PHLPP1: variants seen among roughly 807,000 people sequenced by gnomAD.
PHLPP1 encodes the protein PH domain and leucine rich repeat protein phosphatase 1.
In PHLPP1, 42 loss-of-function variants were observed where a neutral mutation model predicts 117.2. The ratio of observed to expected loss-of-function variants is 0.36; its 90% confidence interval spans 0.28 to 0.46. The LOEUF (loss-of-function observed/expected upper bound fraction) is 0.46, where lower values mean the gene tolerates loss of function less well. Among genes scored for constraint, PHLPP1 ranks in the 20% least tolerant of loss-of-function variants. The pLI is 1.00. For missense variants in PHLPP1, 2,084 were observed against 2,241.9 expected (o/e 0.93, Z 1.42); for synonymous variants, 1,042 against 970.7 (o/e 1.07, Z -1.37).
At chr18:62,765,065 A>G (rs559427945) in intron 1 of PHLPP1, among the ~76,000 whole-genome samples, 1 of 152,138 alleles carries the variant, frequency 6.6e-6, no homozygotes, top group East Asian at 1.9e-4. Flanking sequence ...TGTCTTGTGC[A>G]TTTTCCTTTT....
chr18:62,777,870 C>T lies in PHLPP1; in HGVS notation c.1577-52165C>T, dbSNP rs576378841. On this transcript the variant is annotated intron_variant, in intron 1 of 16. Transcript: ENST00000262719. ...TTGGTGTCCTGCATATCATGTCTGC[C>T]TTCTCCAATCTATTTCCATAATGCC... Among the ~76,000 whole-genome samples, 47 of 152,294 alleles carry T rather than the reference C, an allele frequency of 3.1e-4. No individual in the cohort carries two copies. In the South Asian group the frequency reaches 7.9e-3, roughly 26 times the overall value.
intron 3 of PHLPP1, among the ~76,000 whole-genome samples, chr18:62,844,926 T>C (rs2144346692): frequency 6.6e-6 from 1 of 152,370 alleles, no homozygotes; most frequent in African/African-American, 2.4e-5. Context: ...GGCACATTTC[T>C]AAGTTCAGCA....
chr18:62,734,921 T>G (rs1046321589), intron 1 of PHLPP1, among the ~76,000 whole-genome samples: 4 of 152,200 alleles, frequency 2.6e-5, no homozygotes, highest in Admixed American at 6.5e-5. Flanking sequence ...AAGCAGAAGC[T>G]CAATGATCCC....
intron 12 of PHLPP1, among the ~76,000 whole-genome samples, chr18:62,951,185 GT>G (rs1910446615): frequency 6.6e-6 from 1 of 152,022 alleles, no homozygotes; most frequent in South Asian, 2.1e-4. Flanking sequence ...GTTTCACTGT[GT>G]TAGCCAGGAT....
intron 1 of PHLPP1, among the ~76,000 whole-genome samples, chr18:62,783,274 C>CTGGA (rs1174970549): frequency 1.5e-5 from 2 of 136,822 alleles, no homozygotes; most frequent in African/African-American, 5.5e-5. Flanking sequence ...GTTGCCCAGG[C>CTGGA]TGGAGCACAG....
chr18:62,796,847 AGTT>A (rs1913642806), intron 1 of PHLPP1, among the ~76,000 whole-genome samples: 1 of 152,220 alleles, frequency 6.6e-6, no homozygotes, highest in African/African-American at 2.4e-5. Flanking sequence ...ATGAATTTAC[AGTT>A]GTTTCAGAAA....
At chr18:62,963,999 T>C (rs1314327888) in intron 14 of PHLPP1, among the ~76,000 whole-genome samples, 1 of 152,064 alleles carries the variant, frequency 6.6e-6, no homozygotes, top group African/African-American at 2.4e-5. Context: ...CTTAATATCT[T>C]TTTCTTCTCC....
In PHLPP1 at chr18:62,918,829, G is replaced by T. The variant is rs543260566; in HGVS notation, c.2805-1130G>T. On this transcript the variant is annotated intron_variant, in intron 9 of 16. Coordinates refer to ENST00000262719, the MANE Select transcript of PHLPP1 (RefSeq NM_194449.4). ...CTTGTATTCTTGAAAATAGCTAAGGGAGTAGATATAAATGTTCTCATCACA... is the reference window on the plus strand; with the variant it reads ...CTTGTATTCTTGAAAATAGCTAAGGTAGTAGATATAAATGTTCTCATCACA... Among the ~76,000 whole-genome samples, 3 of 151,570 alleles carry T rather than the reference G, an allele frequency of 2.0e-5. No individual in the cohort carries two copies. The South Asian group carries it at 6.2e-4, about 32-fold the overall frequency.
intron 1 of PHLPP1, among the ~76,000 whole-genome samples, chr18:62,809,367 A>G (rs957777728): frequency 2.0e-5 from 3 of 152,186 alleles, no homozygotes; most frequent in African/African-American, 4.8e-5. Flanking sequence ...CATCCCATCC[A>G]AAGTTGAGTA....
intron 1 of PHLPP1, among the ~76,000 whole-genome samples, chr18:62,782,226 T>A (rs918746840): frequency 1.3e-5 from 2 of 152,248 alleles, no homozygotes; most frequent in African/African-American, 4.8e-5. Context: ...GAGGCATGAG[T>A]CTGCCTGTGC....
At chr18:62,815,794 A>G (rs1430883463) in intron 1 of PHLPP1, among the ~76,000 whole-genome samples, 3 of 152,232 alleles carry the variant, frequency 2.0e-5, no homozygotes, top group East Asian at 1.9e-4. Context: ...AGAATTTAAA[A>G]TAATTTGTGG....
rs781452749 is a variant in PHLPP1, at chr18:62,979,023, C to T, written c.4746C>T (p.His1582=). The change falls in exon 17 of 17, where the codon CAC becomes CAT. Residue 1582 remains histidine, a synonymous_variant. Transcript: ENST00000262719. ...SRAKEKEKQQ[H]LLQVPAEASD... ...CCAAGGAGAAGGAGAAACAGCAGCACCTGCTTCAGGTGCCAGCAGAGGCCA... is the reference window on the plus strand; with the variant it reads ...CCAAGGAGAAGGAGAAACAGCAGCATCTGCTTCAGGTGCCAGCAGAGGCCA... 7 of 1,613,392 alleles carry T rather than the reference C, an allele frequency of 4.3e-6. No homozygotes were observed. The highest frequency in any genetic ancestry group is 2.7e-5 in the African/African-American group (2 of 74,726).
chr18:62,763,374 A>G (rs928545396), intron 1 of PHLPP1, among the ~76,000 whole-genome samples: 3 of 152,200 alleles, frequency 2.0e-5, no homozygotes, highest in Non-Finnish European at 4.4e-5. Context: ...AAGCAGGGGA[A>G]GATCACCCAG....
Position 62,736,422 on chromosome 18 carries a change from T to C in PHLPP1, c.1576+19163T>C, listed in dbSNP as rs74553158. 7.7e-3 allele frequency among the ~76,000 whole-genome samples: 1,175 copies of C among 152,078 alleles called. 18 individuals carry two copies. Among genetic ancestry groups the C allele is most frequent in the African/African-American group, 0.027 (1,126 of 41,474 alleles). On this transcript the variant is annotated intron_variant, in intron 1 of 16. Transcript: ENST00000262719. The stretch of plus-strand genomic sequence containing the variant: ...GGGCAGTGGGAGGGAGTAAAGGAGA[T>C]TGATGTGGATATTATCCTGGGACTC...
intron 1 of PHLPP1, among the ~76,000 whole-genome samples, chr18:62,718,875 G>A (rs1402941760): frequency 6.6e-6 from 1 of 152,152 alleles, no homozygotes; most frequent in Non-Finnish European, 1.5e-5. Context: ...AAGTGTCCAC[G>A]GAAAGGTTTT....
intron 1 of PHLPP1, among the ~76,000 whole-genome samples, chr18:62,775,431 A>G (rs927076869): frequency 6.6e-6 from 1 of 152,138 alleles, no homozygotes; most frequent in South Asian, 2.1e-4. Flanking sequence ...TTTACTTGCT[A>G]TCTTGTTCTC....
At chr18:62,873,550 T>C (rs531961992) in intron 4 of PHLPP1, among the ~76,000 whole-genome samples, 5 of 152,364 alleles carry the variant, frequency 3.3e-5, no homozygotes, top group Admixed American at 2.0e-4. Flanking sequence ...GATGGATCTT[T>C]CTGGCTTTTG....
intron 1 of PHLPP1, among the ~76,000 whole-genome samples, chr18:62,827,133 G>A (rs1914632200): frequency 6.6e-6 from 1 of 152,190 alleles, no homozygotes; most frequent in Non-Finnish European, 1.5e-5. Context: ...CCTACTATGT[G>A]CCAAGTGCGT....
rs550640999 is a variant in PHLPP1, at chr18:62,754,178, C to T, written c.1576+36919C>T. Among the ~76,000 whole-genome samples the T allele has an allele frequency of 1.7e-3, 261 of 152,342 alleles. 1 individual carries two copies. The highest frequency in any genetic ancestry group is 6.8e-3 in the Middle Eastern group (2 of 294). Reference sequence around the variant, plus strand: ...CTCAGTTGTGCCTGAATTACTTGCTCAGCTGTTCTGTTCTGCTGTGGAATT... The same window carrying T: ...CTCAGTTGTGCCTGAATTACTTGCTTAGCTGTTCTGTTCTGCTGTGGAATT... On this transcript the variant is annotated intron_variant, in intron 1 of 16. Transcript: ENST00000262719.
Sources: gnomAD v4.1 joint callset for allele counts (sites outside exome capture counted in the v4.1 genomes callset) on GRCh38, gnomAD v4.1.1 for gene constraint, MANE v1.5 for transcripts, NCBI Gene and HGNC (gene_info 2026-07-23, HGNC 2026-07-21) for gene names.